KCNAB3: variants seen among roughly 807,000 people sequenced by gnomAD.
KCNAB3 encodes potassium voltage-gated channel subfamily A regulatory beta subunit 3.
Under a neutral mutation model 67.7 loss-of-function variants are expected in KCNAB3, and 62 were observed. The ratio of observed to expected loss-of-function variants is 0.92; its 90% CI spans 0.75 to 1.13. KCNAB3 has a LOEUF of 1.13. KCNAB3 is among the 50% of genes most tolerant of loss of function. KCNAB3 has a pLI of 0.00. For synonymous variants in KCNAB3, 212 were observed against 205.4 expected (o/e 1.03, Z -0.27); for missense variants, 514 against 522.9 (o/e 0.98, Z 0.17).
intron 12 of KCNAB3, 26 bp from the exon 13 acceptor site, chr17:7,923,570 G>T (rs1254141478): frequency 6.3e-7 from 1 of 1,577,446 alleles, no homozygotes; most frequent in Non-Finnish European, 8.6e-7. Context: ...GAAAAAAAGA[G>T]GACTGATGGG....
chr17:7,927,136 C>T, intron 4 of KCNAB3: 1 of 618,100 alleles, frequency 1.6e-6, no homozygotes, highest in East Asian at 2.6e-5. Context: ...TTTAATGTAG[C>T]TGCACAGTAC....
chr17:7,923,791 C>T lies in KCNAB3; in HGVS notation c.968G>A (p.Gly323Asp), dbSNP rs149151417. The T allele has an allele frequency of 6.3e-7, 1 of 1,581,954 alleles. No homozygotes were observed. Among genetic ancestry groups the T allele is most frequent in the Admixed American group, 1.8e-5 (1 of 54,948 alleles). ...CATGACTTTGGCTTGTTGCTTCTTG[C>T]CATCTTCACTCTGCACTTTGTCCTT... Reference protein sequence around the residue: ...WLKDKVQSEDGKKQQAKVMDL... With the variant: ...WLKDKVQSEDDKKQQAKVMDL... The change falls in exon 12 of 14, where the codon GGC becomes GAC. Residue 323 changes from glycine (G) to aspartate (D), a missense_variant. Physicochemically the swap from Gly to Asp is moderately conservative, Grantham distance 94 (BLOSUM62 -1). Transcript: ENST00000303790.
At position 7,922,806 on chromosome 17, in the gene KCNAB3, G is replaced by T; in HGVS notation, c.*296C>A. On this transcript the variant is annotated 3_prime_UTR_variant, in exon 14 of 14. Transcript: ENST00000303790. ...CTCGGGAATAAGGGGAGGAGAGTAG[G>T]GAGCGAGACGAAGTGGCAGAGAGCC... 6.0e-6 allele frequency: 3 copies of T among 502,436 alleles called. No homozygotes were observed. Among genetic ancestry groups the T allele is most frequent in the South Asian group, 2.4e-5 (1 of 41,286 alleles). 31.1% of individuals were successfully genotyped at this position (502,436 alleles called of 1,614,324 possible).
chr17:7,924,183 T>C lies in KCNAB3; in HGVS notation c.794A>G (p.Lys265Arg). 6.2e-7 allele frequency: 1 copy of C among 1,614,168 alleles called. No individual in the cohort carries two copies. Among genetic ancestry groups the C allele is most frequent in the Non-Finnish European group, 8.5e-7 (1 of 1,180,024 alleles). ...QAEHHLFQRE[K>R]VEMQLPELYH... ...GAGCTCTGGCAGCTGCATCTCCACC[T>C]TCTCCCTCTGAAACAGATGGTGCTC... is the stretch of plus-strand genomic sequence containing the variant. Residue 265 changes from lysine (K) to arginine (R), a missense_variant, in exon 10 of 14, where the codon AAG becomes AGG. Physicochemically the swap from Lys to Arg is conservative, Grantham distance 26 (BLOSUM62 2). Transcript: ENST00000303790.
Position 7,922,311 on chromosome 17 carries a change from A to G in KCNAB3, c.*791T>C, listed in dbSNP as rs1247041258. On this transcript the variant is annotated 3_prime_UTR_variant, in exon 14 of 14. Coordinates refer to ENST00000303790, the MANE Select transcript of KCNAB3 (RefSeq NM_004732.4). Reference sequence around the variant, plus strand: ...CACTGCCAGGTAGGAGGCCCTGCTCAAGGCTCAAAAGTCTATACCCAGACG... The same window carrying G: ...CACTGCCAGGTAGGAGGCCCTGCTCGAGGCTCAAAAGTCTATACCCAGACG... 1 of 152,184 alleles carries G rather than the reference A, an allele frequency of 6.6e-6. No homozygotes were observed. Among genetic ancestry groups the G allele is most frequent in the Non-Finnish European group, 1.5e-5 (1 of 68,032 alleles). 9.4% of individuals were successfully genotyped at this position (152,184 alleles called of 1,614,324 possible).
Position 7,929,281 on chromosome 17 carries a change from T to G in KCNAB3, c.155A>C (p.Lys52Thr). The G allele has an allele frequency of 6.3e-7, 1 of 1,594,376 alleles. No individual in the cohort carries two copies. The highest frequency in any genetic ancestry group is 1.3e-5 in the African/African-American group (1 of 74,476). The part of the protein sequence containing the change: ...NPPGGGGSGP[K>T]ARAALVPRPP... ...TCGGGGAACCAGTGCAGCTCGGGCC[T>G]TGGGGCCAGACCCTCCACCCCCCGG... Residue 52 changes from lysine (K) to threonine (T), a missense_variant, in exon 1 of 14, where the codon AAG becomes ACG. Lys to Thr is a moderately conservative substitution (Grantham distance 78). Transcript: ENST00000303790. The surrounding 1 kb of genome is among the most constrained non-coding windows in gnomAD (Gnocchi z 5.7).
In KCNAB3 at chr17:7,923,029, G is replaced by T; in HGVS notation, c.*73C>A. The T allele has an allele frequency of 1.4e-6, 2 of 1,422,016 alleles. No individual in the cohort carries two copies. Among genetic ancestry groups the T allele is most frequent in the Non-Finnish European group, 2.0e-6 (2 of 1,006,706 alleles). 88.1% of individuals were successfully genotyped at this position (1,422,016 alleles called of 1,614,324 possible). ...CGCTGCGTGGAGGGATCCGGAGCGG[G>T]AGAGGCGGCTGCGAGGAGCGGGGCT... On this transcript the variant is annotated 3_prime_UTR_variant, in exon 14 of 14. Coordinates refer to ENST00000303790, the MANE Select transcript of KCNAB3 (RefSeq NM_004732.4).
Position 7,929,024 on chromosome 17 carries a change from C to T in KCNAB3, c.242+170G>A, listed in dbSNP as rs1240842180. The T allele has an allele frequency of 1.3e-5, 14 of 1,117,532 alleles. No homozygotes were observed. Among genetic ancestry groups the T allele is most frequent in the Non-Finnish European group, 1.7e-5 (14 of 800,398 alleles). The allele number at this position is 1,117,532 out of a possible 1,614,324, so 69.2% of individuals were successfully genotyped here. ...TGATTCTCGTAGTCAGGGGTATCGA[C>T]AGAAACCAAGAGAGGGACAAAGTGA... On this transcript the variant is annotated intron_variant, in intron 1 of 13. Coordinates refer to ENST00000303790, the MANE Select transcript of KCNAB3 (RefSeq NM_004732.4). The surrounding 1 kb of genome is among the most constrained non-coding windows in gnomAD (Gnocchi z 5.7).
Position 7,929,812 on chromosome 17 carries a change from CGG to C in KCNAB3, c.-379_-378del. The C allele has an allele frequency of 9.3e-7, 1 of 1,079,334 alleles. No homozygotes were observed. Among genetic ancestry groups the C allele is most frequent in the Non-Finnish European group, 1.1e-6 (1 of 888,256 alleles). The allele number at this position is 1,079,334 out of a possible 1,614,324, so 66.9% of individuals were successfully genotyped here. On this transcript the variant is annotated 5_prime_UTR_variant, in exon 1 of 14. Transcript: ENST00000303790. The surrounding 1 kb of genome is among the most constrained non-coding windows in gnomAD (Gnocchi z 5.7). Reference sequence around the variant, plus strand: ...GATGCCACTTCAGCGCGAACCGCTGCGGGACCCGCTGGGCTCCCAGCCGCGTC... The same window carrying C: ...GATGCCACTTCAGCGCGAACCGCTGCGACCCGCTGGGCTCCCAGCCGCGTC...
chr17:7,922,974 G>T lies in KCNAB3; in HGVS notation c.*128C>A. 1 of 830,418 alleles carries T rather than the reference G, an allele frequency of 1.2e-6. No homozygotes were observed. Among genetic ancestry groups the T allele is most frequent in the Non-Finnish European group, 2.0e-6 (1 of 487,890 alleles). 51.4% of individuals were successfully genotyped at this position (830,418 alleles called of 1,614,324 possible). A position where few individuals can be genotyped will look rare whatever the true frequency, so the allele number is the denominator to read the frequency against. ...GTATCACTACTCGAAGCCGGGACTC[G>T]TTGGTGGGCGGGGCTAGTCTGGCTC... On this transcript the variant is annotated 3_prime_UTR_variant, in exon 14 of 14. Coordinates refer to ENST00000303790, the MANE Select transcript of KCNAB3 (RefSeq NM_004732.4).
At chr17:7,928,960 C>T (rs1402946668) in intron 1 of KCNAB3, 3 of 614,994 alleles carry the variant, frequency 4.9e-6, no homozygotes, top group Non-Finnish European at 8.3e-6. Flanking sequence ...TCAGGGGCAT[C>T]CCCTGGGTCT....
In KCNAB3 at chr17:7,926,164, C is replaced by T. The variant is rs1567892603; in HGVS notation, c.405-61G>A. ...CTAGGCCAATCAATTCCTTCCTCTC[C>T]TCCCCACCTTTTCCTCTCTTGCAAA... On this transcript the variant is annotated intron_variant, in intron 4 of 13. Coordinates refer to ENST00000303790, the MANE Select transcript of KCNAB3 (RefSeq NM_004732.4). 23 of 1,587,462 alleles carry T rather than the reference C, an allele frequency of 1.4e-5. 1 individual carries two copies. In the South Asian group the frequency reaches 2.5e-4, roughly 18 times the overall value.
chr17:7,924,180 A>C lies in KCNAB3; in HGVS notation c.797T>G (p.Val266Gly), dbSNP rs778650825. 6 of 1,614,092 alleles carry C rather than the reference A, an allele frequency of 3.7e-6. No homozygotes were observed. The South Asian group carries it at 5.5e-5, about 15-fold the overall frequency. The part of the protein sequence containing the change: ...AEHHLFQREK[V>G]EMQLPELYHK... ...GTAGAGCTCTGGCAGCTGCATCTCC[A>C]CCTTCTCCCTCTGAAACAGATGGTG... Residue 266 changes from valine to glycine, a missense_variant, in exon 10 of 14, where the codon GTG (valine) becomes GGG (glycine). By Grantham distance (109) the Val-to-Gly change is moderately radical. Coordinates refer to ENST00000303790, the MANE Select transcript of KCNAB3 (RefSeq NM_004732.4).
chr17:7,927,987 G>A, intron 1 of KCNAB3, 161 bp from the exon 2 acceptor site: 1 of 764,634 alleles, frequency 1.3e-6, no homozygotes, highest in Non-Finnish European at 2.2e-6. Context: ...GCTATCTCCA[G>A]AGCAGAGGTC....
At position 7,929,657 on chromosome 17, in the gene KCNAB3, G is replaced by A. The variant is rs1406615566; in HGVS notation, c.-222C>T. ...AGGGAAGAAACGTGGGGGGCGCCAG[G>A]AGTGGAGATATTCAGTTACGGGGGA... On this transcript the variant is annotated 5_prime_UTR_variant, in exon 1 of 14. Transcript: ENST00000303790. This position sits in a 1 kb window ranked among gnomAD's most constrained non-coding sequence, Gnocchi z 5.7. 7.0e-7 allele frequency: 1 copy of A among 1,421,434 alleles called. No individual in the cohort carries two copies. Among genetic ancestry groups the A allele is most frequent in the Non-Finnish European group, 9.1e-7 (1 of 1,094,600 alleles). The allele number at this position is 1,421,434 out of a possible 1,614,324, so 88.1% of individuals were successfully genotyped here. A position where few individuals can be genotyped will look rare whatever the true frequency, so the allele number is the denominator to read the frequency against.
chr17:7,926,083 T>C lies in KCNAB3; in HGVS notation c.425A>G (p.Asn142Ser). The C allele has an allele frequency of 1.9e-6, 3 of 1,614,142 alleles. No homozygotes were observed. The highest frequency in any genetic ancestry group is 2.5e-6 in the Non-Finnish European group (3 of 1,180,024). Reference protein sequence around the residue: ...AAGKAERTLGNILKSKGWRRS... With the variant: ...AAGKAERTLGSILKSKGWRRS... Reference sequence around the variant, plus strand: ...CCTCCAACCTTTGCTCTTGAGGATGTTCCCTAGGGTTCTTTCAGCCCTAAA... The same window carrying C: ...CCTCCAACCTTTGCTCTTGAGGATGCTCCCTAGGGTTCTTTCAGCCCTAAA... The change falls in exon 5 of 14, where the codon AAC becomes AGC. Residue 142 changes from asparagine (N) to serine (S), a missense_variant. By Grantham distance (46) the Asn-to-Ser change is conservative (BLOSUM62 1). Transcript: ENST00000303790.
In KCNAB3 at chr17:7,922,987, G is replaced by T; in HGVS notation, c.*115C>A. 1.1e-6 allele frequency: 1 copy of T among 933,570 alleles called. No homozygotes were observed. The highest frequency in any genetic ancestry group is 1.3e-5 in the South Asian group (1 of 74,076). The allele number at this position is 933,570 out of a possible 1,614,324, so 57.8% of individuals were successfully genotyped here. The stretch of plus-strand genomic sequence containing the variant: ...AAGCCGGGACTCGTTGGTGGGCGGG[G>T]CTAGTCTGGCTCCGGCCGCTGCGTG... On this transcript the variant is annotated 3_prime_UTR_variant, in exon 14 of 14. Coordinates refer to ENST00000303790, the MANE Select transcript of KCNAB3 (RefSeq NM_004732.4).
intron 4 of KCNAB3, among the ~76,000 whole-genome samples, chr17:7,926,683 T>C (rs1972243293): frequency 6.7e-6 from 1 of 149,618 alleles, no homozygotes; most frequent in Non-Finnish European, 1.5e-5. Flanking sequence ...CCTATTGCCC[T>C]TTTTTTTTCC....
At position 7,925,775 on chromosome 17, in the gene KCNAB3, C is replaced by T. The variant is rs779676321; in HGVS notation, c.495-49G>A. 1.6e-5 allele frequency: 25 copies of T among 1,611,428 alleles called. No homozygotes were observed. The Admixed American group carries it at 2.5e-4, about 16-fold the overall frequency. Reference sequence around the variant, plus strand: ...ATGAGATGTGACAAAGATAGGGGACCGGGGCTGGCTTGGAGCCATAAGGAA... The same window carrying T: ...ATGAGATGTGACAAAGATAGGGGACTGGGGCTGGCTTGGAGCCATAAGGAA... On this transcript the variant is annotated intron_variant, in intron 6 of 13. Transcript: ENST00000303790.
Sources: allele counts gnomAD v4.1 joint callset (sites outside exome capture counted in the v4.1 genomes callset), GRCh38; gene constraint gnomAD v4.1.1; non-coding constraint Gnocchi (gnomAD v3.1); transcripts MANE v1.5; gene names NCBI Gene and HGNC (gene_info 2026-07-23, HGNC 2026-07-21).